ALG14: variants seen among roughly 807,000 people sequenced by gnomAD.
ALG14 encodes the protein ALG14 UDP-N-acetylglucosaminyltransferase subunit, also known as UDP-N-acetylglucosamine transferase subunit ALG14.
ALG14 carries 17 observed loss-of-function variants against 22.8 expected under a neutral mutation model. The observed-to-expected ratio is 0.75, with a 90% CI of 0.51 to 1.12. The LOEUF is 1.12. ALG14 is among the 50% of genes most tolerant of loss of function. The pLI is 0.00. For missense variants in ALG14, 288 were observed against 271.8 expected, an observed-to-expected ratio of 1.06 and a Z score of -0.42; for synonymous variants, 89 against 103.7, an observed-to-expected ratio of 0.86 and a Z score of 0.86.
intron 3 of ALG14, among the ~76,000 whole-genome samples, chr1:95,009,214 T>A (rs1388298081): frequency 6.7e-6 from 1 of 149,912 alleles, no homozygotes; most frequent in African/African-American, 2.4e-5. Flanking sequence ...ATTTTTATAT[T>A]TATAAAATAT....
At position 94,976,000 on chromosome 1, in the gene ALG14, G is replaced by C. The variant is rs946945602; in HGVS notation, c.*7076C>G. On this transcript the variant is annotated 3_prime_UTR_variant, in exon 4 of 4. Transcript: ENST00000370205. ...CCACTGCACTTCAGCCTGGGCAACA[G>C]AGCGAGACTCTGTCTCAAAAAAAAA... The C allele has an allele frequency of 3.9e-5, 5 of 127,046 alleles. No individual in the cohort carries two copies. Among genetic ancestry groups the C allele is most frequent in the African/African-American group, 9.1e-5 (3 of 32,800 alleles). 7.9% of individuals were successfully genotyped at this position (127,046 alleles called of 1,614,324 possible). A position where few individuals can be genotyped will look rare whatever the true frequency, so the allele number is the denominator to read the frequency against.
chr1:94,994,352 G>A (rs941193423), intron 3 of ALG14, among the ~76,000 whole-genome samples: 1 of 152,168 alleles, frequency 6.6e-6, no homozygotes, highest in African/African-American at 2.4e-5. Context: ...CCTGAAGTAA[G>A]TGGCTTCTCA....
At chr1:95,043,517 T>C (rs1043999161) in intron 2 of ALG14, among the ~76,000 whole-genome samples, 4 of 152,222 alleles carry the variant, frequency 2.6e-5, no homozygotes, top group African/African-American at 4.8e-5. Flanking sequence ...AAAGGCCGAC[T>C]GCAGGCTCTA....
chr1:95,060,278 T>C (rs555619503), intron 2 of ALG14, among the ~76,000 whole-genome samples: 1 of 151,492 alleles, frequency 6.6e-6, no homozygotes, highest in African/African-American at 2.4e-5. Context: ...GATTCATGAG[T>C]AGAGGCTCTT....
chr1:95,013,626 T>C (rs958840403), intron 3 of ALG14, among the ~76,000 whole-genome samples: 1 of 152,150 alleles, frequency 6.6e-6, no homozygotes, highest in Non-Finnish European at 1.5e-5. Context: ...GCCAGTTTCC[T>C]GTTCTTTTTA....
chr1:95,051,696 G>A (rs562246858), intron 2 of ALG14, among the ~76,000 whole-genome samples: 2 of 152,090 alleles, frequency 1.3e-5, no homozygotes, highest in Non-Finnish European at 2.9e-5. Context: ...ATGGACTCTC[G>A]CTATTTTACA....
chr1:95,038,103 AG>A (rs1484181117), intron 2 of ALG14, among the ~76,000 whole-genome samples: 1 of 152,234 alleles, frequency 6.6e-6, no homozygotes, highest in Non-Finnish European at 1.5e-5. Context: ...GCACTTTGGG[AG>A]GCCAAGATAC....
At chr1:95,060,129 A>AACACACACACACACAC (rs60558070) in intron 2 of ALG14, among the ~76,000 whole-genome samples, 1 of 142,942 alleles carries the variant, frequency 7.0e-6, no homozygotes, top group Non-Finnish European at 1.5e-5. Flanking sequence ...TACACACACA[A>AACACACACACACACAC]ACACACACAC....
In ALG14 at chr1:94,981,476, A is replaced by G. The variant is rs187846098; in HGVS notation, c.*1600T>C. 48 of 150,566 alleles carry G rather than the reference A, an allele frequency of 3.2e-4. No homozygotes were observed. The highest frequency in any genetic ancestry group is 3.4e-3 in the Middle Eastern group (1 of 294). The allele number at this position is 150,566 out of a possible 1,614,324, so 9.3% of individuals were successfully genotyped here. The stretch of plus-strand genomic sequence containing the variant: ...TTTTTGCTTTTTTTTTTTAAAAAAA[A>G]AAAAAAGAAAAAAGGCTGGATCAGC... On this transcript the variant is annotated 3_prime_UTR_variant, in exon 4 of 4. Transcript: ENST00000370205.
chr1:95,018,159 C>T (rs1319555875), intron 3 of ALG14, among the ~76,000 whole-genome samples: 1 of 151,564 alleles, frequency 6.6e-6, no homozygotes, highest in Non-Finnish European at 1.5e-5. Context: ...GGATGCAAAC[C>T]AGAAAAAAAA....
intron 1 of ALG14, among the ~76,000 whole-genome samples, chr1:95,068,401 C>T (rs1675449296): frequency 6.6e-6 from 1 of 152,138 alleles, no homozygotes; most frequent in Non-Finnish European, 1.5e-5. Context: ...ATTCTCCTGC[C>T]TCAGCCTCCT....
intron 2 of ALG14, among the ~76,000 whole-genome samples, chr1:95,041,796 G>A (rs1674389658): frequency 6.6e-6 from 1 of 152,138 alleles, no homozygotes; most frequent in African/African-American, 2.4e-5. Flanking sequence ...GTGTTCAGTG[G>A]AAGAATGTCA....
intron 2 of ALG14, among the ~76,000 whole-genome samples, chr1:95,060,129 AACACACACACACACAC>A (rs60558070): frequency 0.21 from 30,242 of 142,928 alleles, 3,310 homozygotes; most frequent in African/African-American, 0.29. Context: ...TACACACACA[AACACACACACACACAC>A]ACACACACAC....
Position 94,974,453 on chromosome 1 carries a change from T to C in ALG14, c.*8623A>G, listed in dbSNP as rs1374120674. ...TTAGAGTGGAAAAAAATCTCAGTTA[T>C]ACAGGAAAGGAAAAGAGATTAGGAA... On this transcript the variant is annotated 3_prime_UTR_variant, in exon 4 of 4. Transcript: ENST00000370205. The C allele has an allele frequency of 1.3e-5, 2 of 152,254 alleles. No individual in the cohort carries two copies. The highest frequency in any genetic ancestry group is 2.1e-4 in the South Asian group (1 of 4,820). The allele number at this position is 152,254 out of a possible 1,614,324, so 9.4% of individuals were successfully genotyped here.
chr1:95,065,647 G>T (rs1675334940), intron 1 of ALG14, among the ~76,000 whole-genome samples: 1 of 152,176 alleles, frequency 6.6e-6, no homozygotes, highest in Non-Finnish European at 1.5e-5. Context: ...GTTCTATGTA[G>T]AGAAGTAAGG....
At chr1:94,995,692 T>C (rs1672893506) in intron 3 of ALG14, among the ~76,000 whole-genome samples, 1 of 152,206 alleles carries the variant, frequency 6.6e-6, no homozygotes, top group African/African-American at 2.4e-5. Context: ...CCAGCCTGGG[T>C]GACAGAATGA....
At chr1:95,002,665 G>A (rs181897262) in intron 3 of ALG14, among the ~76,000 whole-genome samples, 2 of 152,214 alleles carry the variant, frequency 1.3e-5, no homozygotes, top group Non-Finnish European at 2.9e-5. Context: ...AATAGTTTGG[G>A]GAGCCAGTAG....
At chr1:95,070,879 G>A (rs929780456) in intron 1 of ALG14, among the ~76,000 whole-genome samples, 1 of 152,034 alleles carries the variant, frequency 6.6e-6, no homozygotes, top group Non-Finnish European at 1.5e-5. Context: ...GGGACTATAG[G>A]TGCATGCCAC....
In ALG14 at chr1:94,983,270, A is replaced by G; in HGVS notation, c.457T>C (p.Cys153Arg). The change falls in exon 4 of 4, where the codon TGT becomes CGT. Residue 153 changes from cysteine to arginine, a missense_variant. Coordinates refer to ENST00000370205, the MANE Select transcript of ALG14 (RefSeq NM_144988.4). ...ATCCCAAGGAGAAGGGCAGATACAC[A>G]GATAGGAACACATGTTCCTGGTCCG... ...CNGPGTCVPI[C>R]VSALLLGILG... 1 of 1,614,198 alleles carries G rather than the reference A, an allele frequency of 6.2e-7. No homozygotes were observed. Among genetic ancestry groups the G allele is most frequent in the Non-Finnish European group, 8.5e-7 (1 of 1,180,020 alleles).
Sources: gnomAD v4.1 joint callset for allele counts (sites outside exome capture counted in the v4.1 genomes callset) on GRCh38, gnomAD v4.1.1 for gene constraint, MANE v1.5 for transcripts, NCBI Gene and HGNC (gene_info 2026-07-23, HGNC 2026-07-21) for gene names.